CCDC178: variants seen among roughly 807,000 people sequenced by gnomAD.
CCDC178 encodes coiled-coil domain containing 178.
CCDC178 carries 126 observed loss-of-function variants against 117.4 expected under a neutral mutation model. The observed-to-expected ratio is 1.07, with a 90% CI of 0.93 to 1.24. CCDC178 has a LOEUF of 1.24. CCDC178 is among the 50% of genes most tolerant of loss of function. CCDC178 has a pLI of 0.00. For synonymous variants in CCDC178, 283 were observed against 313.4 expected (o/e 0.90, Z 1.02); for missense variants, 1,030 against 986.9 (o/e 1.04, Z -0.59).
intron 21 of CCDC178, among the ~76,000 whole-genome samples, chr18:33,031,332 A>G (rs1485534319): frequency 6.6e-6 from 1 of 151,606 alleles, no homozygotes; most frequent in Non-Finnish European, 1.5e-5. Context: ...TCATAGCCTT[A>G]AACTCCTGGC....
chr18:33,399,229 G>A (rs954103602), intron 3 of CCDC178, among the ~76,000 whole-genome samples: 3 of 151,952 alleles, frequency 2.0e-5, no homozygotes, highest in African/African-American at 7.3e-5. Flanking sequence ...ATGGTCATGT[G>A]AGCCTTCAGC....
chr18:33,200,206 G>T (rs986001202), intron 20 of CCDC178, among the ~76,000 whole-genome samples: 1 of 152,140 alleles, frequency 6.6e-6, no homozygotes, highest in Non-Finnish European at 1.5e-5. Context: ...CATAGAAAAA[G>T]AAATTTTCAC....
chr18:33,279,635 A>G (rs1169292789), intron 12 of CCDC178, among the ~76,000 whole-genome samples: 3 of 152,188 alleles, frequency 2.0e-5, no homozygotes, highest in Non-Finnish European at 4.4e-5. Flanking sequence ...AAAAGAGCCC[A>G]CATTGCCAAG....
intron 21 of CCDC178, among the ~76,000 whole-genome samples, chr18:33,035,505 A>G (rs543611569): frequency 6.6e-6 from 1 of 152,174 alleles, no homozygotes; most frequent in East Asian, 1.9e-4. Context: ...AAGTGAAATA[A>G]GCCAGATTAA....
At chr18:33,218,031 C>T (rs2059187606) in intron 18 of CCDC178, among the ~76,000 whole-genome samples, 1 of 152,038 alleles carries the variant, frequency 6.6e-6, no homozygotes, top group South Asian at 2.1e-4. Flanking sequence ...GCCTGACACA[C>T]ATAAAACATG....
intron 11 of CCDC178, among the ~76,000 whole-genome samples, chr18:33,294,831 C>T (rs371358039): frequency 1.7e-4 from 26 of 152,298 alleles, no homozygotes; most frequent in Non-Finnish European, 3.4e-4. Flanking sequence ...GAGTGATGGA[C>T]AATTGCCCAC....
At chr18:33,196,079 A>T (rs1034230755) in intron 20 of CCDC178, among the ~76,000 whole-genome samples, 2 of 152,064 alleles carry the variant, frequency 1.3e-5, no homozygotes, top group Non-Finnish European at 2.9e-5. Context: ...TATAATGGGG[A>T]CTTTGGGTCA....
chr18:33,411,203 G>T (rs574828025), intron 3 of CCDC178, among the ~76,000 whole-genome samples: 21 of 152,268 alleles, frequency 1.4e-4, no homozygotes, highest in Middle Eastern at 3.4e-3. Context: ...GTGCAGCAGT[G>T]ATAACTGATA....
At chr18:33,011,533 G>A (rs1419455396) in intron 21 of CCDC178, among the ~76,000 whole-genome samples, 3 of 151,696 alleles carry the variant, frequency 2.0e-5, no homozygotes, top group East Asian at 1.9e-4. Context: ...CTCAGCATTC[G>A]CTCCCACACC....
At chr18:33,302,865 A>G (rs2062195604) in intron 11 of CCDC178, among the ~76,000 whole-genome samples, 1 of 152,186 alleles carries the variant, frequency 6.6e-6, no homozygotes, top group Non-Finnish European at 1.5e-5. Flanking sequence ...TGGGAAATGT[A>G]GGAGAAAGGG....
intron 11 of CCDC178, among the ~76,000 whole-genome samples, chr18:33,298,599 T>A (rs1294475170): frequency 2.6e-5 from 4 of 152,174 alleles, no homozygotes; most frequent in African/African-American, 9.7e-5. Context: ...CTCAGCACTC[T>A]CATTCAACCT....
At chr18:32,974,009 T>G (rs1452472990) in intron 22 of CCDC178, among the ~76,000 whole-genome samples, 1 of 152,188 alleles carries the variant, frequency 6.6e-6, no homozygotes, top group Non-Finnish European at 1.5e-5. Context: ...ATCTGCTAAA[T>G]GTTTTTATTG....
chr18:33,257,899 T>C (rs1282910394), intron 14 of CCDC178, among the ~76,000 whole-genome samples: 1 of 151,958 alleles, frequency 6.6e-6, no homozygotes, highest in Non-Finnish European at 1.5e-5. Context: ...AGGAGACATA[T>C]CTTCTCTCCT....
chr18:33,227,019 GGTAAA>G (rs140434666), intron 15 of CCDC178, among the ~76,000 whole-genome samples, 164 bp from the exon 16 acceptor site: 14,565 of 151,772 alleles, frequency 0.096, 886 homozygotes, highest in African/African-American at 0.18. Context: ...TGTTTTTCGA[GGTAAA>G]GTAATTAAGT....
chr18:33,339,247 G>A (rs1649490915), intron 9 of CCDC178, among the ~76,000 whole-genome samples: 1 of 151,774 alleles, frequency 6.6e-6, no homozygotes, highest in South Asian at 2.1e-4. Flanking sequence ...GAAATCAGAG[G>A]AAAAAATTCA....
chr18:33,299,143 C>T (rs4505412), intron 11 of CCDC178, among the ~76,000 whole-genome samples: 125,775 of 152,030 alleles, frequency 0.83, 52,841 homozygotes, highest in South Asian at 0.93. Flanking sequence ...CCACAAAAAC[C>T]CCAAAGAGCT....
intron 4 of CCDC178, among the ~76,000 whole-genome samples, chr18:33,390,792 C>A (rs1277912446): frequency 6.6e-6 from 1 of 151,842 alleles, no homozygotes; most frequent in Non-Finnish European, 1.5e-5. Context: ...ATGGCACTTT[C>A]TTCCATGTAT....
chr18:33,243,542 ATAAAAT>A (rs1268548699), intron 15 of CCDC178, among the ~76,000 whole-genome samples: 2 of 151,262 alleles, frequency 1.3e-5, no homozygotes, highest in Non-Finnish European at 2.9e-5. Flanking sequence ...AATTTAAAAA[ATAAAAT>A]TAAAAATAAC....
intron 2 of CCDC178, among the ~76,000 whole-genome samples, chr18:33,426,233 A>G (rs2064123300): frequency 6.6e-6 from 1 of 152,308 alleles, no homozygotes; most frequent in South Asian, 2.1e-4. Flanking sequence ...TCTAAGACCC[A>G]CTTTAATATT....
Sources: gnomAD v4.1 joint callset for allele counts (sites outside exome capture counted in the v4.1 genomes callset) on GRCh38, gnomAD v4.1.1 for gene constraint, MANE v1.5 for transcripts, NCBI Gene and HGNC (gene_info 2026-07-23, HGNC 2026-07-21) for gene names.